NOX4: variants seen among roughly 807,000 people sequenced by gnomAD.
NOX4 encodes the protein NADPH oxidase 4, also known as kidney oxidase-1.
NOX4 carries 69 observed loss-of-function variants against 87.6 expected under a neutral mutation model. The ratio of observed to expected loss-of-function variants is 0.79; its 90% CI spans 0.65 to 0.96. The LOEUF (loss-of-function observed/expected upper bound fraction) is 0.96. Ranked by LOEUF, NOX4 falls within the 40% of genes least tolerant of loss-of-function variation. NOX4 has a pLI of 0.00. For synonymous variants in NOX4, 275 were observed against 238.2 expected, an observed-to-expected ratio of 1.15 and a Z score of -1.42; for missense variants, 680 against 681.5, an observed-to-expected ratio of 1.00 and a Z score of 0.02.
chr11:89,519,511 G>A, the NOX4 span, among the ~76,000 whole-genome samples: 4 of 151,956 alleles, frequency 2.6e-5, no homozygotes, highest in African/African-American at 9.7e-5. Flanking sequence ...AGATCTATGA[G>A]AATTTTTATC....
At chr11:89,353,206 T>C (rs1377008627) in intron 13 of NOX4, among the ~76,000 whole-genome samples, 1 of 152,158 alleles carries the variant, frequency 6.6e-6, no homozygotes, top group African/African-American at 2.4e-5. Flanking sequence ...GAGGATTGAG[T>C]ACAATTTTTA....
chr11:89,435,547 C>A (rs1399410918), intron 6 of NOX4, among the ~76,000 whole-genome samples: 1 of 152,048 alleles, frequency 6.6e-6, no homozygotes, highest in Non-Finnish European at 1.5e-5. Context: ...GTATAAAAGT[C>A]TCTGAGAAGT....
intron 13 of NOX4, among the ~76,000 whole-genome samples, chr11:89,353,107 G>GT (rs1169580141): frequency 3.9e-5 from 6 of 152,116 alleles, no homozygotes; most frequent in South Asian, 2.1e-4. Context: ...GAAGAAAGTA[G>GT]TTTTTTTGAG....
At chr11:89,366,886 A>T (rs1215511214) in intron 12 of NOX4, among the ~76,000 whole-genome samples, 2 of 152,130 alleles carry the variant, frequency 1.3e-5, no homozygotes, top group East Asian at 3.9e-4. Flanking sequence ...ACTAAAAAAC[A>T]TGACAGCATA....
At chr11:89,571,524 T>G in the NOX4 span, among the ~76,000 whole-genome samples, 1 of 152,128 alleles carries the variant, frequency 6.6e-6, no homozygotes, top group Non-Finnish European at 1.5e-5. Flanking sequence ...CTCAAACTCC[T>G]GACCTCGTGA....
At chr11:89,463,183 T>G (rs1052578152) in intron 2 of NOX4, among the ~76,000 whole-genome samples, 2 of 151,996 alleles carry the variant, frequency 1.3e-5, no homozygotes, top group African/African-American at 2.4e-5. Context: ...GCCTGTCATA[T>G]AGCAATAATT....
At chr11:89,412,394 C>G (rs890368382) in intron 8 of NOX4, among the ~76,000 whole-genome samples, 20 of 152,192 alleles carry the variant, frequency 1.3e-4, no homozygotes, top group African/African-American at 4.1e-4. Context: ...ATGGGTCATT[C>G]TCAAGGATCA....
intron 11 of NOX4, among the ~76,000 whole-genome samples, chr11:89,383,853 T>A (rs778969296): frequency 6.6e-6 from 1 of 152,086 alleles, no homozygotes; most frequent in Non-Finnish European, 1.5e-5. Context: ...CCTCCCCTTG[T>A]ATCTCTCCAC....
chr11:89,355,100 T>A, intron 12 of NOX4, 57 bp from the exon 13 acceptor site: 3 of 1,254,308 alleles, frequency 2.4e-6, no homozygotes, highest in Non-Finnish European at 3.4e-6. Context: ...TGAAAATAAT[T>A]TCAAAATGGA....
upstream of NOX4, among the ~76,000 whole-genome samples, chr11:89,494,720 C>T (rs575350928): frequency 7.2e-5 from 11 of 152,266 alleles, no homozygotes; most frequent in Admixed American, 7.2e-4. Flanking sequence ...GGTAAAGAAA[C>T]GGGGCAAGAA....
chr11:89,546,595 C>G, the NOX4 span: 1 of 152,074 alleles, frequency 6.6e-6, no homozygotes, highest in Non-Finnish European at 1.5e-5. Context: ...TAACATAATA[C>G]CACGCACTGG....
chr11:89,430,558 T>C (rs1050804437), intron 7 of NOX4, among the ~76,000 whole-genome samples: 6 of 152,024 alleles, frequency 3.9e-5, no homozygotes, highest in East Asian at 1.9e-4. Flanking sequence ...TATACACCAA[T>C]AACAGACAAA....
At chr11:89,552,432 G>A in the NOX4 span, among the ~76,000 whole-genome samples, 14 of 152,058 alleles carry the variant, frequency 9.2e-5, no homozygotes, top group Non-Finnish European at 1.8e-4. Flanking sequence ...TTATCTTTCT[G>A]TCTCTTTTCA....
chr11:89,587,936 G>A, the NOX4 span, among the ~76,000 whole-genome samples: 3 of 152,006 alleles, frequency 2.0e-5, no homozygotes, highest in Non-Finnish European at 4.4e-5. Flanking sequence ...GTAACTTTAT[G>A]TTTTCTCATT....
chr11:89,407,875 G>A (rs1432558076), intron 8 of NOX4, among the ~76,000 whole-genome samples: 1 of 151,862 alleles, frequency 6.6e-6, no homozygotes, highest in Non-Finnish European at 1.5e-5. Context: ...CCACAAATGA[G>A]TGTCACTTAT....
At chr11:89,378,276 G>A (rs317176) in intron 11 of NOX4, among the ~76,000 whole-genome samples, 4,106 of 151,764 alleles carry the variant, frequency 0.027, 171 homozygotes, top group African/African-American at 0.095. Flanking sequence ...ACATTTTCTC[G>A]TCCCTTCATC....
At chr11:89,378,102 T>G (rs1237579983) in intron 11 of NOX4, among the ~76,000 whole-genome samples, 4 of 152,188 alleles carry the variant, frequency 2.6e-5, no homozygotes, top group Non-Finnish European at 4.4e-5. Context: ...CACAGCAATC[T>G]CCTATGGATT....
chr11:89,397,363 G>C (rs1941561272), intron 11 of NOX4, among the ~76,000 whole-genome samples: 2 of 152,248 alleles, frequency 1.3e-5, no homozygotes, highest in Admixed American at 6.5e-5. Context: ...ACAAGAGAAA[G>C]GAGGAAAGGT....
intron 14 of NOX4, 127 bp from the exon 15 acceptor site, chr11:89,340,298 G>T: frequency 1.6e-6 from 1 of 619,908 alleles, no homozygotes; most frequent in Non-Finnish European, 2.8e-6. Flanking sequence ...GAAACCAACA[G>T]AAAAATCAGT....
Sources: gnomAD v4.1 joint callset for allele counts (sites outside exome capture counted in the v4.1 genomes callset) on GRCh38, gnomAD v4.1.1 for gene constraint, MANE v1.5 for transcripts, NCBI Gene and HGNC (gene_info 2026-07-23, HGNC 2026-07-21) for gene names.